The following ATP9B variants were observed in gnomAD, a reference collection of about 807,000 sequenced individuals.
ATP9B encodes ATPase phospholipid transporting 9B, also known as probable phospholipid-transporting ATPase IIB.
In ATP9B, 110 loss-of-function variants were observed where a neutral mutation model predicts 146.1. That is an observed-to-expected ratio of 0.75 (90% CI 0.65 to 0.88). The LOEUF is 0.88. Among genes scored for constraint, ATP9B ranks in the 40% least tolerant of loss-of-function variants. The pLI, the probability that ATP9B is intolerant of heterozygous loss-of-function variation, is 0.00. For synonymous variants in ATP9B, 604 were observed against 569.7 expected, an observed-to-expected ratio of 1.06 and a Z score of -0.86; for missense variants, 1,499 against 1,496.4, an observed-to-expected ratio of 1.00 and a Z score of -0.03.
chr18:79,210,783 T>C (rs528668030), intron 10 of ATP9B, among the ~76,000 whole-genome samples: 53 of 152,304 alleles, frequency 3.5e-4, no homozygotes, highest in Admixed American at 1.3e-3. Context: ...CTGGTGTATG[T>C]GGCCCTGCCT....
chr18:79,301,132 T>A (rs1185919474), intron 13 of ATP9B, among the ~76,000 whole-genome samples: 2 of 152,152 alleles, frequency 1.3e-5, no homozygotes, highest in African/African-American at 4.8e-5. Flanking sequence ...TAATGTAAGG[T>A]TTCATTATCT....
chr18:79,181,947 C>T (rs897679319), intron 8 of ATP9B, among the ~76,000 whole-genome samples: 5 of 152,044 alleles, frequency 3.3e-5, no homozygotes, highest in African/African-American at 1.2e-4. Context: ...TGCTTCTTTC[C>T]GTGTCTGGTA....
intron 17 of ATP9B, among the ~76,000 whole-genome samples, chr18:79,336,048 C>T (rs1032993729): frequency 7.0e-6 from 1 of 141,918 alleles, no homozygotes; most frequent in Non-Finnish European, 1.6e-5. Flanking sequence ...CCTCCATGCC[C>T]TCCCTGGCAC....
At chr18:79,329,988 C>T (rs759256850) in intron 16 of ATP9B, 24 bp from the exon 17 acceptor site, 7 of 1,609,418 alleles carry the variant, frequency 4.3e-6, no homozygotes, top group Non-Finnish European at 6.0e-6. Context: ...AAATGTGCCT[C>T]TGTTTATTTT....
At chr18:79,069,657 G>A (rs924595946) in intron 1 of ATP9B, 128 bp downstream of exon 1, 2 of 559,528 alleles carry the variant, frequency 3.6e-6, no homozygotes, top group Non-Finnish European at 5.4e-6. Context: ...CTGGGAGCCG[G>A]GAGTCCTTGG....
At chr18:79,356,122 G>C (rs555013335) in intron 25 of ATP9B, among the ~76,000 whole-genome samples, 2 of 152,336 alleles carry the variant, frequency 1.3e-5, no homozygotes, top group Non-Finnish European at 2.9e-5. Flanking sequence ...GGGACGCACA[G>C]ACCACAAGCA....
intron 8 of ATP9B, among the ~76,000 whole-genome samples, chr18:79,188,471 A>T (rs2095329943): frequency 1.3e-5 from 2 of 152,160 alleles, no homozygotes. Flanking sequence ...GTGCTTTCAG[A>T]CTTTTCCACT....
Position 79,324,240 on chromosome 18 carries a change from T to C in ATP9B, c.1774-4901T>C, listed in dbSNP as rs2096732063. Among the ~76,000 whole-genome samples, 3 of 152,214 alleles carry C rather than the reference T, an allele frequency of 2.0e-5. No homozygotes were observed. The South Asian group carries it at 6.2e-4, about 32-fold the overall frequency. On this transcript the variant is annotated intron_variant, in intron 15 of 29. Coordinates refer to ENST00000426216, the MANE Select transcript of ATP9B (RefSeq NM_198531.5). ...CAGTGGGTAGTTTGCAAATATTTTC[T>C]CTCATTCTGTGGGTTTTCTCTTCAC... is the stretch of plus-strand genomic sequence containing the variant.
chr18:79,118,621 C>T (rs1279912625), intron 4 of ATP9B, among the ~76,000 whole-genome samples: 2 of 151,560 alleles, frequency 1.3e-5, no homozygotes, highest in African/African-American at 4.8e-5. Flanking sequence ...AGGATGGTCT[C>T]GATCTCCTGA....
intron 25 of ATP9B, among the ~76,000 whole-genome samples, chr18:79,356,482 A>G (rs982143083): frequency 1.3e-5 from 2 of 152,224 alleles, no homozygotes; most frequent in Non-Finnish European, 2.9e-5. Flanking sequence ...GGACCAACCC[A>G]GATGTAACTT....
intron 5 of ATP9B, among the ~76,000 whole-genome samples, chr18:79,132,952 G>A (rs1283740512): frequency 6.6e-6 from 1 of 152,182 alleles, no homozygotes; most frequent in African/African-American, 2.4e-5. Flanking sequence ...AAATTATTTT[G>A]AGTTATCTTG....
At chr18:79,310,215 C>A (rs189291614) in intron 15 of ATP9B, among the ~76,000 whole-genome samples, 3 of 152,168 alleles carry the variant, frequency 2.0e-5, no homozygotes, top group Non-Finnish European at 4.4e-5. Context: ...AGACCGTAGC[C>A]GCCATGAGGA....
chr18:79,361,767 T>C (rs2096990459), intron 26 of ATP9B: 1 of 985,358 alleles, frequency 1.0e-6, no homozygotes, highest in Non-Finnish European at 1.2e-6. Flanking sequence ...ACTGCAGCAC[T>C]CTGCGTTGTT....
chr18:79,356,818 G>A (rs908994675), intron 25 of ATP9B, among the ~76,000 whole-genome samples: 2 of 143,450 alleles, frequency 1.4e-5, no homozygotes, highest in African/African-American at 5.0e-5. Flanking sequence ...TGGGTCTGGA[G>A]GTGTCTGTGT....
Position 79,184,880 on chromosome 18 carries a change from G to A in ATP9B, c.873+7973G>A, listed in dbSNP as rs2095290457. ...GTCCCTGGCAGTAAGCAGCTTGGGA[G>A]CAAGTCACACTAAATGATAATTTTC... On this transcript the variant is annotated intron_variant, in intron 8 of 29. Transcript: ENST00000426216. 7.9e-5 allele frequency among the ~76,000 whole-genome samples: 12 copies of A among 152,148 alleles called. No individual in the cohort carries two copies. The South Asian group carries it at 2.5e-3, about 32-fold the overall frequency.
At chr18:79,076,176 A>G (rs2072591269) in intron 1 of ATP9B, among the ~76,000 whole-genome samples, 1 of 152,220 alleles carries the variant, frequency 6.6e-6, no homozygotes, top group African/African-American at 2.4e-5. Context: ...CAGTGTTAAC[A>G]ATTTTTGCTT....
chr18:79,205,590 T>C (rs1241210382), intron 9 of ATP9B, among the ~76,000 whole-genome samples: 4 of 151,776 alleles, frequency 2.6e-5, no homozygotes, highest in Admixed American at 6.6e-5. Context: ...GTCAGGACAG[T>C]GTGTGGCTTT....
At chr18:79,287,696 T>A (rs1362136415) in intron 13 of ATP9B, among the ~76,000 whole-genome samples, 24 of 152,250 alleles carry the variant, frequency 1.6e-4, no homozygotes, top group Admixed American at 3.3e-4. Context: ...CTAGTTCTTT[T>A]AATTGTGATG....
intron 4 of ATP9B, among the ~76,000 whole-genome samples, chr18:79,119,647 C>G (rs966069296): frequency 2.0e-5 from 3 of 152,130 alleles, no homozygotes; most frequent in Non-Finnish European, 4.4e-5. Context: ...TCTGATGCAC[C>G]TAGATGAGTT....
Sources: gnomAD v4.1 joint callset for allele counts (sites outside exome capture counted in the v4.1 genomes callset) on GRCh38, gnomAD v4.1.1 for gene constraint, MANE v1.5 for transcripts, NCBI Gene and HGNC (gene_info 2026-07-23, HGNC 2026-07-21) for gene names.